Variants in MBOAT1 observed in about 807,000 individuals in gnomAD.
MBOAT1 encodes membrane bound glycerophospholipid O-acyltransferase 1, also known as membrane-bound glycerophospholipid O-acyltransferase 1.
Under a neutral mutation model 64.4 loss-of-function variants are expected in MBOAT1, and 67 were observed. The ratio of observed to expected loss-of-function variants is 1.04; its 90% CI spans 0.85 to 1.27. The LOEUF is 1.27. Ranked by LOEUF, MBOAT1 falls within the 50% of genes most tolerant of loss-of-function variation. The pLI is 0.00. For missense variants in MBOAT1, 563 were observed against 604.6 expected, an observed-to-expected ratio of 0.93 and a Z score of 0.72; for synonymous variants, 229 against 218.9, an observed-to-expected ratio of 1.05 and a Z score of -0.41.
chr6:20,140,960 A>G (rs1327901521), intron 4 of MBOAT1, among the ~76,000 whole-genome samples: 4 of 152,156 alleles, frequency 2.6e-5, no homozygotes, highest in African/African-American at 4.8e-5. Context: ...GGGACAAGAT[A>G]TGACTGACAG....
At chr6:20,156,287 A>C (rs1489356824) in intron 1 of MBOAT1, among the ~76,000 whole-genome samples, 1 of 151,854 alleles carries the variant, frequency 6.6e-6, no homozygotes, top group African/African-American at 2.4e-5. Flanking sequence ...AAAAAAAAAA[A>C]ATTAATGTGT....
intron 8 of MBOAT1, among the ~76,000 whole-genome samples, chr6:20,120,749 G>A (rs13212395): frequency 0.16 from 24,487 of 152,092 alleles, 2,350 homozygotes; most frequent in East Asian, 0.41. Context: ...ACCTGAGCAG[G>A]TAAGAGCCAC....
chr6:20,197,565 T>C (rs1581464263), intron 1 of MBOAT1, among the ~76,000 whole-genome samples: 1 of 152,184 alleles, frequency 6.6e-6, no homozygotes, highest in Non-Finnish European at 1.5e-5. Context: ...GTGTATTCAG[T>C]GAAAGGCTAA....
intron 1 of MBOAT1, among the ~76,000 whole-genome samples, chr6:20,175,132 T>A (rs1370619635): frequency 6.6e-6 from 1 of 152,144 alleles, no homozygotes; most frequent in Admixed American, 6.5e-5. Context: ...TGATCTCCTA[T>A]AAGATCCCAC....
rs2235142 is a variant in MBOAT1 at position 20,099,991 on chromosome 6, T to A, written c.*2295A>T. ...CACCAAGTCTGACATATAGCATCCA[T>A]AAGCTCAACTCCTAGAGGTTTGACT... is the stretch of plus-strand genomic sequence containing the variant. On this transcript the variant is annotated 3_prime_UTR_variant, in exon 13 of 13. Coordinates refer to ENST00000324607, the MANE Select transcript of MBOAT1 (RefSeq NM_001080480.3). Among the ~76,000 whole-genome samples the A allele has an allele frequency of 6.6e-6, 1 of 152,172 alleles. No individual in the cohort carries two copies. The highest frequency in any genetic ancestry group is 1.9e-4 in the East Asian group (1 of 5,182).
rs745851405 is a variant in MBOAT1, at chr6:20,102,293, G to GC, written c.1480_1481insG (p.Thr494SerfsTer22). ...CCGCTTCTCTTGGAGGTATCAATCT[G>GC]TTTTTCTCTTATTAATAGAGTTCAG... On this transcript the variant is annotated frameshift_variant, in exon 13 of 13. Coordinates refer to ENST00000324607, the MANE Select transcript of MBOAT1 (RefSeq NM_001080480.3). LOFTEE classifies it high-confidence loss of function. 6.2e-7 allele frequency: 1 copy of GC among 1,613,148 alleles called. No homozygotes were observed.
At position 20,109,874 on chromosome 6, in the gene MBOAT1, G is replaced by A. The variant is rs1302789251; in HGVS notation, c.1210-125C>T. ...ACAGAAGATAACCAACATCTGAGTTGTATTTTCGACTACAAATACCATCAG... is the reference window on the plus strand; with the variant it reads ...ACAGAAGATAACCAACATCTGAGTTATATTTTCGACTACAAATACCATCAG... On this transcript the variant is annotated intron_variant, in intron 11 of 12. Transcript: ENST00000324607. The A allele has an allele frequency of 8.6e-6, 3 of 347,626 alleles. No homozygotes were observed. The East Asian group carries it at 2.4e-4, about 27-fold the overall frequency. 21.5% of individuals were successfully genotyped at this position (347,626 alleles called of 1,614,324 possible).
At chr6:20,120,550 T>A (rs1343389613) in intron 8 of MBOAT1, among the ~76,000 whole-genome samples, 3 of 151,956 alleles carry the variant, frequency 2.0e-5, no homozygotes, top group Non-Finnish European at 4.4e-5. Context: ...GCACTTGCAA[T>A]CCCAGCTACT....
chr6:20,203,129 C>A (rs918149600), intron 1 of MBOAT1, among the ~76,000 whole-genome samples: 2 of 152,100 alleles, frequency 1.3e-5, no homozygotes, highest in Non-Finnish European at 2.9e-5. Context: ...CACAGTGAGA[C>A]CCTGTCTCAA....
At chr6:20,106,405 T>C (rs1409101442) in intron 12 of MBOAT1, among the ~76,000 whole-genome samples, 1 of 152,098 alleles carries the variant, frequency 6.6e-6, no homozygotes, top group Non-Finnish European at 1.5e-5. Flanking sequence ...CAGATGTAGA[T>C]CATTTCCGTC....
intron 1 of MBOAT1, among the ~76,000 whole-genome samples, chr6:20,173,084 T>A (rs940874066): frequency 6.6e-6 from 1 of 152,226 alleles, no homozygotes; most frequent in South Asian, 2.1e-4. Flanking sequence ...ACATGCCTTC[T>A]CCCACTTCAC....
At chr6:20,204,502 G>A (rs964355302) in intron 1 of MBOAT1, among the ~76,000 whole-genome samples, 1 of 152,062 alleles carries the variant, frequency 6.6e-6, no homozygotes, top group Non-Finnish European at 1.5e-5. Context: ...GCAGAGCAAT[G>A]TGATATGGAT....
At chr6:20,197,893 T>C (rs749435308) in intron 1 of MBOAT1, among the ~76,000 whole-genome samples, 5 of 151,876 alleles carry the variant, frequency 3.3e-5, no homozygotes, top group Non-Finnish European at 5.9e-5. Context: ...ACAACTTTTC[T>C]TTAAATCTAA....
intron 6 of MBOAT1, among the ~76,000 whole-genome samples, chr6:20,127,948 C>G (rs1760710547): frequency 6.6e-6 from 1 of 152,028 alleles, no homozygotes; most frequent in Non-Finnish European, 1.5e-5. Flanking sequence ...AGGGCTGATT[C>G]ATTAGAATCT....
At chr6:20,185,076 C>A (rs888848540) in intron 1 of MBOAT1, among the ~76,000 whole-genome samples, 3 of 151,804 alleles carry the variant, frequency 2.0e-5, no homozygotes, top group Non-Finnish European at 4.4e-5. Flanking sequence ...ATAGTGAGAC[C>A]CCATCTCTAC....
chr6:20,183,694 AG>A (rs1354785674), intron 1 of MBOAT1, among the ~76,000 whole-genome samples: 1 of 152,254 alleles, frequency 6.6e-6, no homozygotes, highest in Admixed American at 6.5e-5. Context: ...ACTGCACAAA[AG>A]TATTGCTTCT....
intron 1 of MBOAT1, among the ~76,000 whole-genome samples, chr6:20,174,152 G>A (rs564443760): frequency 2.0e-5 from 3 of 152,302 alleles, no homozygotes; most frequent in African/African-American, 7.2e-5. Flanking sequence ...GAATGTGAGG[G>A]TCTCATGGAC....
At chr6:20,102,558 G>A in intron 12 of MBOAT1, 146 bp from the exon 13 acceptor site, 1 of 623,946 alleles carries the variant, frequency 1.6e-6, no homozygotes. Context: ...CCCTCAATCT[G>A]CTCCACAGAT....
chr6:20,205,290 G>A (rs1280322345), intron 1 of MBOAT1, among the ~76,000 whole-genome samples: 4 of 152,170 alleles, frequency 2.6e-5, no homozygotes, highest in Non-Finnish European at 2.9e-5. Flanking sequence ...AACTTTTAGT[G>A]CTGTATTAAC....
Sources: allele counts gnomAD v4.1 joint callset (sites outside exome capture counted in the v4.1 genomes callset), GRCh38; gene constraint gnomAD v4.1.1; transcripts MANE v1.5; gene names NCBI Gene and HGNC (gene_info 2026-07-23, HGNC 2026-07-21).